The following EVI5 variants were observed in gnomAD, a reference collection of about 807,000 sequenced individuals.
EVI5 encodes ecotropic viral integration site 5 protein homolog.
Under a neutral mutation model 112.0 loss-of-function variants are expected in EVI5, and 73 were observed. That is an observed-to-expected ratio of 0.65 (90% confidence interval 0.54 to 0.79). EVI5 has a LOEUF of 0.79. Among genes scored for constraint, EVI5 ranks in the 30% least tolerant of loss-of-function variants. EVI5 has a pLI of 0.00. For missense variants in EVI5, 900 were observed against 968.8 expected (o/e 0.93, Z 0.94); for synonymous variants, 305 against 319.9 (o/e 0.95, Z 0.50).
intron 1 of EVI5, chr1:92,756,847 TC>T: frequency 2.1e-6 from 1 of 487,456 alleles, no homozygotes; most frequent in Non-Finnish European, 4.1e-6. Context: ...TATTGGGCTG[TC>T]CCTCACTGGC....
intron 5 of EVI5, among the ~76,000 whole-genome samples, chr1:92,698,642 T>A (rs1273948971): frequency 1.3e-5 from 2 of 152,128 alleles, no homozygotes; most frequent in African/African-American, 4.8e-5. Context: ...GAAGGTTACA[T>A]CATGGAGGAG....
chr1:92,631,182 T>G (rs142925919), intron 14 of EVI5, among the ~76,000 whole-genome samples: 134,885 of 147,346 alleles, frequency 0.92, 61,769 homozygotes, highest in East Asian at 0.97. Context: ...TGGTTCCATA[T>G]GAACTTTAAA....
rs1442080110 is a variant in EVI5 at position 92,509,566 on chromosome 1, G to A, written c.*4090C>T. 5 of 151,742 alleles carry A rather than the reference G, an allele frequency of 3.3e-5. No individual in the cohort carries two copies. In the East Asian group the frequency reaches 9.7e-4, roughly 29 times the overall value. The allele number at this position is 151,742 out of a possible 1,614,324, so 9.4% of individuals were successfully genotyped here. ...GGAGTGCAGTGGTTATTCTTTCACA[G>A]GTGTGATCATTACACACTACAGCCC... On this transcript the variant is annotated 3_prime_UTR_variant, in exon 20 of 20. Transcript: ENST00000684568.
At chr1:92,786,239 A>G (rs74702780), upstream of EVI5, among the ~76,000 whole-genome samples, 2,871 of 147,568 alleles carry the variant, frequency 0.019, 54 homozygotes, top group African/African-American at 0.04. Context: ...ATTTCAGAAA[A>G]AAAAAAAAAA....
At chr1:92,521,550 G>A (rs550983397) in intron 19 of EVI5, among the ~76,000 whole-genome samples, 7 of 152,240 alleles carry the variant, frequency 4.6e-5, no homozygotes, top group Non-Finnish European at 8.8e-5. Context: ...AATTAGCCAG[G>A]TGTGGTGGTG....
At chr1:92,783,495 A>AC (rs1223966781) in intron 1 of EVI5, among the ~76,000 whole-genome samples, 1 of 122,226 alleles carries the variant, frequency 8.2e-6, no homozygotes, top group Non-Finnish European at 1.7e-5. Context: ...AAAAAAAAAA[A>AC]AAAAAAAAAA....
At chr1:92,618,033 A>C (rs1039682464) in intron 16 of EVI5, among the ~76,000 whole-genome samples, 1 of 152,236 alleles carries the variant, frequency 6.6e-6, no homozygotes, top group African/African-American at 2.4e-5. Context: ...CTGGATGGAT[A>C]GAATGGTGGA....
At chr1:92,564,016 G>A (rs551751590) in intron 18 of EVI5, among the ~76,000 whole-genome samples, 2 of 152,172 alleles carry the variant, frequency 1.3e-5, no homozygotes, top group South Asian at 2.1e-4. Context: ...TCTGCCTCCC[G>A]GGTTCAAGCA....
At chr1:92,751,020 G>A (rs1680111767) in intron 1 of EVI5, among the ~76,000 whole-genome samples, 1 of 152,016 alleles carries the variant, frequency 6.6e-6, no homozygotes, top group Admixed American at 6.5e-5. Flanking sequence ...CATGGTGGCG[G>A]GCACCTGTAG....
intron 18 of EVI5, among the ~76,000 whole-genome samples, chr1:92,575,558 CCTTTTTT>C (rs1435314654): frequency 2.5e-5 from 3 of 120,546 alleles, no homozygotes; most frequent in Non-Finnish European, 4.8e-5. Context: ...AGTCCCTGTG[CCTTTTTT>C]TTTTTTTTTT....
intron 19 of EVI5, among the ~76,000 whole-genome samples, chr1:92,528,990 G>T (rs1245258408): frequency 1.3e-5 from 2 of 152,252 alleles, no homozygotes; most frequent in East Asian, 3.9e-4. Context: ...ATCTATAAAA[G>T]ATTGTTGGAA....
chr1:92,621,814 C>T (rs964242401), intron 16 of EVI5, among the ~76,000 whole-genome samples: 28 of 152,096 alleles, frequency 1.8e-4, no homozygotes, highest in Non-Finnish European at 3.4e-4. Flanking sequence ...AAATGTAGTA[C>T]AATTTATCTT....
At position 92,752,197 on chromosome 1, in the gene EVI5, C is replaced by T. The variant is rs571419399; in HGVS notation, c.-81-15570G>A. Among the ~76,000 whole-genome samples, 23 of 152,014 alleles carry T rather than the reference C, an allele frequency of 1.5e-4. No individual in the cohort carries two copies. In the East Asian group the frequency reaches 1.9e-3, roughly 13 times the overall value. On this transcript the variant is annotated intron_variant, in intron 1 of 19. Coordinates refer to ENST00000684568, the MANE Select transcript of EVI5 (RefSeq NM_001350197.2). ...TAGTTGTGAAAATTCAATAAAATGA[C>T]GGAATCTCGCTCTGTTGCCCAGGCT...
At chr1:92,551,040 C>CTTTTTTTTTTTTTTTTTTTTTTT (rs55898086) in intron 19 of EVI5, among the ~76,000 whole-genome samples, 2 of 80,702 alleles carry the variant, frequency 2.5e-5, no homozygotes, top group Non-Finnish European at 4.3e-5. Context: ...TTCTTTCTTT[C>CTTTTTTTTTTTTTTTTTTTTTTT]TTTTTTTTTT....
chr1:92,654,525 T>C (rs1662691755), intron 13 of EVI5, among the ~76,000 whole-genome samples: 2 of 152,036 alleles, frequency 1.3e-5, no homozygotes. Flanking sequence ...AGGAAAAAAA[T>C]TCCTGTCCAA....
At chr1:92,756,585 A>G (rs1680984517) in intron 1 of EVI5, 2 of 503,470 alleles carry the variant, frequency 4.0e-6, no homozygotes, top group African/African-American at 3.9e-5. Context: ...AAGCAAAGAG[A>G]GGACAAGCAG....
chr1:92,553,161 C>T (rs191660512), intron 19 of EVI5, among the ~76,000 whole-genome samples: 1 of 151,994 alleles, frequency 6.6e-6, no homozygotes, highest in South Asian at 2.1e-4. Flanking sequence ...GACAGGGTTT[C>T]GCTCTGTCAC....
At chr1:92,622,595 T>C (rs1571940304) in intron 16 of EVI5, among the ~76,000 whole-genome samples, 1 of 152,346 alleles carries the variant, frequency 6.6e-6, no homozygotes, top group East Asian at 1.9e-4. Context: ...TACATGGGTG[T>C]TTGATACAAT....
intron 1 of EVI5, among the ~76,000 whole-genome samples, chr1:92,790,366 T>C (rs941483674): frequency 6.6e-6 from 1 of 152,110 alleles, no homozygotes; most frequent in African/African-American, 2.4e-5. Flanking sequence ...GTTCAAGTGC[T>C]CAATAATAGC....
Sources: allele counts gnomAD v4.1 joint callset (sites outside exome capture counted in the v4.1 genomes callset), GRCh38; gene constraint gnomAD v4.1.1; transcripts MANE v1.5; gene names NCBI Gene and HGNC (gene_info 2026-07-23, HGNC 2026-07-21).